ZCCHC7: variants seen among roughly 807,000 people sequenced by gnomAD.
ZCCHC7 encodes the protein zinc finger CCHC domain-containing protein 7.
Under a neutral mutation model 52.0 loss-of-function variants are expected in ZCCHC7, and 35 were observed. The ratio of observed to expected loss-of-function variants is 0.67; its 90% CI spans 0.51 to 0.89. The LOEUF is 0.89. ZCCHC7 is among the 40% of genes least tolerant of loss of function. ZCCHC7 has a pLI of 0.00. For synonymous variants in ZCCHC7, 217 were observed against 221.5 expected (o/e 0.98, Z 0.18); for missense variants, 574 against 649.1 (o/e 0.88, Z 1.26).
chr9:37,232,499 C>T (rs1238769593), intron 2 of ZCCHC7, among the ~76,000 whole-genome samples: 7 of 152,156 alleles, frequency 4.6e-5, no homozygotes, highest in African/African-American at 1.7e-4. Context: ...TAATTTGCTG[C>T]CTTGGTGAAG....
chr9:37,214,329 G>A (rs1210362292), intron 2 of ZCCHC7, among the ~76,000 whole-genome samples: 2 of 151,842 alleles, frequency 1.3e-5, no homozygotes, highest in East Asian at 1.9e-4. Flanking sequence ...TCCCAGATTC[G>A]GTTTTTCTAG....
chr9:37,290,965 A>G (rs1828508575), intron 2 of ZCCHC7, among the ~76,000 whole-genome samples: 1 of 152,234 alleles, frequency 6.6e-6, no homozygotes, highest in African/African-American at 2.4e-5. Context: ...GCCTAGAAGG[A>G]TAATGCAGGA....
intron 1 of ZCCHC7, 53 bp from the exon 2 acceptor site, chr9:37,126,258 TG>T (rs1842532119): frequency 6.7e-7 from 1 of 1,483,670 alleles, no homozygotes; most frequent in South Asian, 1.3e-5. Flanking sequence ...TTACTTAAAC[TG>T]GCATGATCTG....
chr9:37,175,003 G>C (rs1821939302), intron 2 of ZCCHC7, among the ~76,000 whole-genome samples: 2 of 152,024 alleles, frequency 1.3e-5, no homozygotes, highest in South Asian at 4.1e-4. Context: ...CGGGCATGGT[G>C]GTACATGCCC....
chr9:37,320,010 C>A (rs1300172955), intron 5 of ZCCHC7, among the ~76,000 whole-genome samples: 1 of 152,164 alleles, frequency 6.6e-6, no homozygotes, highest in African/African-American at 2.4e-5. Flanking sequence ...GTTGCCAATG[C>A]CATATGGTCT....
chr9:37,152,019 A>G (rs370326584), intron 2 of ZCCHC7, among the ~76,000 whole-genome samples: 1 of 152,164 alleles, frequency 6.6e-6, no homozygotes. Flanking sequence ...ATTGAGACCA[A>G]CAGTTTTCTA....
intron 2 of ZCCHC7, among the ~76,000 whole-genome samples, chr9:37,261,132 T>C (rs1193921193): frequency 1.3e-5 from 2 of 152,182 alleles, no homozygotes; most frequent in African/African-American, 4.8e-5. Context: ...CCCCTTAATC[T>C]TGTAATCTTG....
At chr9:37,265,607 C>A (rs1218879316) in intron 2 of ZCCHC7, among the ~76,000 whole-genome samples, 1 of 152,192 alleles carries the variant, frequency 6.6e-6, no homozygotes, top group Admixed American at 6.5e-5. Flanking sequence ...CCTCATGCTA[C>A]CACTGTAGTT....
intron 2 of ZCCHC7, among the ~76,000 whole-genome samples, chr9:37,135,728 A>G (rs904730719): frequency 6.6e-6 from 1 of 152,222 alleles, no homozygotes; most frequent in African/African-American, 2.4e-5. Context: ...TTAAAGTGAA[A>G]TAATTGCTTG....
At chr9:37,313,733 T>C (rs775807053) in intron 5 of ZCCHC7, among the ~76,000 whole-genome samples, 6 of 152,114 alleles carry the variant, frequency 3.9e-5, no homozygotes, top group Non-Finnish European at 8.8e-5. Context: ...CCTCATTTGC[T>C]CTCTTTCTCT....
chr9:37,188,304 T>A (rs1026847025), intron 2 of ZCCHC7, among the ~76,000 whole-genome samples: 6 of 152,062 alleles, frequency 3.9e-5, no homozygotes, highest in African/African-American at 1.4e-4. Context: ...TGTGCCATCA[T>A]GCCTGACTAA....
intron 8 of ZCCHC7, 39 bp from the exon 9 acceptor site, chr9:37,356,796 T>C (rs199688621): frequency 8.9e-5 from 137 of 1,539,396 alleles, no homozygotes; most frequent in Non-Finnish European, 1.1e-4. Flanking sequence ...ATGGACTGTT[T>C]AGCTGCTGAA....
intron 2 of ZCCHC7, among the ~76,000 whole-genome samples, chr9:37,172,662 TGTG>T (rs746777395): frequency 6.6e-6 from 1 of 152,160 alleles, no homozygotes. Flanking sequence ...GATTGAGCAA[TGTG>T]GGCATTCCAA....
intron 2 of ZCCHC7, among the ~76,000 whole-genome samples, chr9:37,261,416 A>G (rs1239110319): frequency 1.3e-5 from 2 of 152,230 alleles, no homozygotes; most frequent in South Asian, 2.1e-4. Context: ...GCTGTCTTCA[A>G]TGAACTAGAA....
At chr9:37,289,712 C>T (rs533238403) in intron 2 of ZCCHC7, among the ~76,000 whole-genome samples, 2 of 152,256 alleles carry the variant, frequency 1.3e-5, no homozygotes, top group African/African-American at 4.8e-5. Flanking sequence ...TTGTTTCACT[C>T]AGAGTAAAAG....
chr9:37,139,720 G>A (rs1843142607), intron 2 of ZCCHC7, among the ~76,000 whole-genome samples: 1 of 151,870 alleles, frequency 6.6e-6, no homozygotes, highest in South Asian at 2.1e-4. Flanking sequence ...CCTCGCTTTT[G>A]CTTAAATATA....
chr9:37,330,807 C>T (rs977091350), intron 6 of ZCCHC7, among the ~76,000 whole-genome samples: 1 of 151,460 alleles, frequency 6.6e-6, no homozygotes, highest in Non-Finnish European at 1.5e-5. Flanking sequence ...TCCCCCACCC[C>T]CTGTCATTTC....
At chr9:37,154,447 A>G (rs1820700514) in intron 2 of ZCCHC7, among the ~76,000 whole-genome samples, 1 of 152,200 alleles carries the variant, frequency 6.6e-6, no homozygotes. Flanking sequence ...ATTCTGTGTC[A>G]TTAATTGCAT....
At chr9:37,296,546 G>A (rs1038633467) in intron 2 of ZCCHC7, among the ~76,000 whole-genome samples, 2 of 151,178 alleles carry the variant, frequency 1.3e-5, no homozygotes, top group African/African-American at 4.9e-5. Context: ...CAAAGTTTTG[G>A]TTCCTTAAGG....
Sources: gnomAD v4.1 joint callset for allele counts (sites outside exome capture counted in the v4.1 genomes callset) on GRCh38, gnomAD v4.1.1 for gene constraint, MANE v1.5 for transcripts, NCBI Gene and HGNC (gene_info 2026-07-23, HGNC 2026-07-21) for gene names.